Variants in HECW2 observed in about 807,000 individuals in gnomAD.
HECW2 encodes the protein E3 ubiquitin-protein ligase HECW2.
HECW2 carries 61 observed loss-of-function variants against 175.2 expected under a neutral mutation model. The ratio of observed to expected loss-of-function variants is 0.35; its 90% CI spans 0.28 to 0.43. The LOEUF (loss-of-function observed/expected upper bound fraction) is 0.43. HECW2 is among the 20% of genes least tolerant of loss of function. The probability of loss-of-function intolerance (pLI) is 1.00; values close to 1 mark genes in which losing one functional copy is unlikely to be tolerated. For synonymous variants in HECW2, 671 were observed against 731.0 expected (o/e 0.92, Z 1.32); for missense variants, 1,524 against 2,000.5 (o/e 0.76, Z 4.54).
rs150590469 is a variant in HECW2, at chr2:196,253,096, T to C, written c.3529+824A>G. On this transcript the variant is annotated intron_variant, in intron 19 of 28. Coordinates refer to ENST00000644978, the MANE Select transcript of HECW2 (RefSeq NM_001348768.2). ...TAAATGAACATATTAATACATCTTT[T>C]CCTGTTTGCAGTATCCAATTAGGCT... Among the ~76,000 whole-genome samples, 40 of 152,352 alleles carry C rather than the reference T, an allele frequency of 2.6e-4. No individual in the cohort carries two copies. The East Asian group carries it at 6.6e-3, about 25-fold the overall frequency.
At chr2:196,283,377 C>T (rs1001571595) in intron 14 of HECW2, among the ~76,000 whole-genome samples, 296 of 135,540 alleles carry the variant, frequency 2.2e-3, no homozygotes, top group Non-Finnish European at 3.4e-3. Flanking sequence ...AGAGAATACA[C>T]TTTTTTTTTT....
chr2:196,524,286 G>C (rs1688544481), intron 1 of HECW2, among the ~76,000 whole-genome samples: 2 of 126,008 alleles, frequency 1.6e-5, no homozygotes, highest in South Asian at 2.6e-4. Flanking sequence ...AGTATTCTCT[G>C]ATGGTAGTTT....
At chr2:196,490,469 A>G (rs1307465982) in intron 1 of HECW2, among the ~76,000 whole-genome samples, 1 of 152,238 alleles carries the variant, frequency 6.6e-6, no homozygotes, top group Non-Finnish European at 1.5e-5. Flanking sequence ...TTATTCCAAC[A>G]AGAAGAACCC....
chr2:196,536,579 C>T (rs62184710), intron 1 of HECW2, among the ~76,000 whole-genome samples: 12 of 152,278 alleles, frequency 7.9e-5, no homozygotes, highest in African/African-American at 2.6e-4. Flanking sequence ...CTTTTGTTCC[C>T]GATAACCACT....
At chr2:196,530,477 C>T (rs780926424) in intron 1 of HECW2, among the ~76,000 whole-genome samples, 1 of 152,178 alleles carries the variant, frequency 6.6e-6, no homozygotes, top group Non-Finnish European at 1.5e-5. Flanking sequence ...CCTAACTGAC[C>T]TTCCAGCCTT....
At chr2:196,478,311 C>T (rs1419562005) in intron 1 of HECW2, among the ~76,000 whole-genome samples, 1 of 152,190 alleles carries the variant, frequency 6.6e-6, no homozygotes, top group Non-Finnish European at 1.5e-5. Context: ...AAACATCCCA[C>T]TGAAGTCCCT....
In HECW2 at chr2:196,466,841, C is replaced by G. The variant is rs1696973831; in HGVS notation, c.-35-33383G>C. Among the ~76,000 whole-genome samples the G allele has an allele frequency of 1.3e-5, 2 of 152,160 alleles. 1 individual carries two copies. The highest frequency in any genetic ancestry group is 4.8e-5 in the African/African-American group (2 of 41,436). On this transcript the variant is annotated intron_variant, in intron 1 of 28. Coordinates refer to ENST00000644978, the MANE Select transcript of HECW2 (RefSeq NM_001348768.2). Reference sequence around the variant, plus strand: ...TGAAAAATCAGCCAGGCAGAAGGAGCTACTGAAGTTCTATGATGAGAGTGA... The same window carrying G: ...TGAAAAATCAGCCAGGCAGAAGGAGGTACTGAAGTTCTATGATGAGAGTGA...
chr2:196,250,910 ATCATTCTG>A (rs988992917), intron 19 of HECW2, among the ~76,000 whole-genome samples: 3 of 152,178 alleles, frequency 2.0e-5, no homozygotes, highest in Non-Finnish European at 4.4e-5. Context: ...CAGATCCTGT[ATCATTCTG>A]TCACCAATCA....
intron 1 of HECW2, among the ~76,000 whole-genome samples, chr2:196,480,019 A>G (rs1686787766): frequency 6.6e-6 from 1 of 152,004 alleles, no homozygotes. Flanking sequence ...ACATGACTCC[A>G]TTGTCTTTCC....
chr2:196,560,830 C>T (rs916899595), intron 1 of HECW2, among the ~76,000 whole-genome samples: 2 of 152,208 alleles, frequency 1.3e-5, no homozygotes, highest in African/African-American at 4.8e-5. Context: ...CCAATCAATA[C>T]TCTTATAATT....
chr2:196,294,571 T>C (rs1273562441), intron 13 of HECW2, among the ~76,000 whole-genome samples: 2 of 152,226 alleles, frequency 1.3e-5, no homozygotes, highest in Non-Finnish European at 2.9e-5. Context: ...CCAAGGACTC[T>C]AGAGTCTCTG....
intron 1 of HECW2, among the ~76,000 whole-genome samples, chr2:196,453,916 C>A (rs1258393649): frequency 6.6e-6 from 1 of 151,976 alleles, no homozygotes; most frequent in Non-Finnish European, 1.5e-5. Context: ...ATTCAGAAGG[C>A]AAAAAACCAA....
chr2:196,299,705 G>A (rs143715836), intron 13 of HECW2, among the ~76,000 whole-genome samples: 1,659 of 152,168 alleles, frequency 0.011, 30 homozygotes, highest in African/African-American at 0.038. Flanking sequence ...CGAGGTCGGC[G>A]GATCATGAGG....
In HECW2 at chr2:196,242,078, A is replaced by G. The variant is rs1421063440; in HGVS notation, c.3650+6T>C. 2.5e-6 allele frequency: 4 copies of G among 1,613,748 alleles called. No individual in the cohort carries two copies. The highest frequency in any genetic ancestry group is 3.3e-5 in the Admixed American group (2 of 60,010). ...ACATTATGTGGTTTGTGTCACTTTG[A>G]CTTACTTTAACTTCCCTGGGCCTTG... On this transcript the variant is annotated splice_donor_region_variant and intron_variant, in intron 20 of 28. Coordinates refer to ENST00000644978, the MANE Select transcript of HECW2 (RefSeq NM_001348768.2).
rs185645393 is a variant in HECW2, at chr2:196,587,225, C to T, written c.-36+6283G>A. On this transcript the variant is annotated intron_variant, in intron 1 of 28. Coordinates refer to ENST00000644978, the MANE Select transcript of HECW2 (RefSeq NM_001348768.2). The stretch of plus-strand genomic sequence containing the variant: ...AAACTTCAATAGTATAACAGAGAAG[C>T]CACTGTGCTTTGTTCGAAAATGACA... Among the ~76,000 whole-genome samples the T allele has an allele frequency of 4.9e-4, 74 of 152,314 alleles. No individual in the cohort carries two copies. The South Asian group carries it at 5.2e-3, about 11-fold the overall frequency.
chr2:196,322,643 T>C (rs759166285), intron 6 of HECW2, 23 bp from the exon 7 acceptor site: 4 of 1,598,692 alleles, frequency 2.5e-6, no homozygotes, highest in African/African-American at 1.3e-5. Context: ...ACAGATAACA[T>C]GCTGGTTTAA....
chr2:196,441,043 C>T (rs534517992), intron 1 of HECW2, among the ~76,000 whole-genome samples: 82 of 152,272 alleles, frequency 5.4e-4, no homozygotes, highest in African/African-American at 1.7e-3. Context: ...AATTACTAAG[C>T]AAATCACAAA....
Position 196,343,684 on chromosome 2 carries a change from T to A in HECW2, c.373A>T (p.Ile125Phe), listed in dbSNP as rs1692846179. ...GTQKGQIVWR[I>F]EPGPYFMEPE... Reference sequence around the variant, plus strand: ...TCCATGAAATAGGGCCCAGGCTCAATTCTCCATACAATTTGCCCTTTTTGT... The same window carrying A: ...TCCATGAAATAGGGCCCAGGCTCAAATCTCCATACAATTTGCCCTTTTTGT... The change falls in exon 3 of 29, where the codon ATT becomes TTT. Residue 125 changes from isoleucine to phenylalanine, a missense_variant. Ile to Phe is a conservative substitution (Grantham distance 21). This residue lies in a region of HECW2 where 135 missense variants were observed against 214.6 expected (regional missense o/e 0.63). Transcript: ENST00000644978. 1.9e-6 allele frequency: 3 copies of A among 1,613,238 alleles called. No homozygotes were observed. Among genetic ancestry groups the A allele is most frequent in the Non-Finnish European group, 2.5e-6 (3 of 1,179,226 alleles).
intron 1 of HECW2, among the ~76,000 whole-genome samples, chr2:196,546,889 A>G (rs1689443164): frequency 1.3e-5 from 2 of 152,278 alleles, no homozygotes; most frequent in Admixed American, 1.3e-4. Context: ...AATAAGCAAA[A>G]GCTATGAGGA....
Sources: gnomAD v4.1 joint callset for allele counts (sites outside exome capture counted in the v4.1 genomes callset) on GRCh38, gnomAD v4.1.1 for gene constraint, gnomAD v4.1.1 regional missense constraint, MANE v1.5 for transcripts, NCBI Gene and HGNC (gene_info 2026-07-23, HGNC 2026-07-21) for gene names.